Variants in INPP4B observed in about 807,000 individuals in gnomAD.
INPP4B encodes the protein inositol polyphosphate 4-phosphatase type II.
In INPP4B, 55 loss-of-function variants were observed where a neutral mutation model predicts 122.5. The ratio of observed to expected loss-of-function variants is 0.45; its 90% CI spans 0.36 to 0.56. INPP4B has a LOEUF of 0.56. Among genes scored for constraint, INPP4B ranks in the 20% least tolerant of loss-of-function variants. The probability of loss-of-function intolerance (pLI) is 0.00; values close to 1 mark genes in which losing one functional copy is unlikely to be tolerated. For synonymous variants in INPP4B, 403 were observed against 388.7 expected, an observed-to-expected ratio of 1.04 and a Z score of -0.43; for missense variants, 1,000 against 1,097.7, an observed-to-expected ratio of 0.91 and a Z score of 1.26.
chr4:142,245,804 ATGTG>A (rs1727796480), intron 11 of INPP4B, among the ~76,000 whole-genome samples: 1 of 133,496 alleles, frequency 7.5e-6, no homozygotes, highest in Non-Finnish European at 1.6e-5. Context: ...ATACATATAT[ATGTG>A]TATGTATACA....
At chr4:142,425,304 T>C (rs961317829) in intron 5 of INPP4B, 1 of 151,998 alleles carries the variant, frequency 6.6e-6, no homozygotes, top group Non-Finnish European at 1.5e-5. Context: ...ACAAGAAGTA[T>C]GAGAATGAGA....
intron 7 of INPP4B, among the ~76,000 whole-genome samples, chr4:142,345,982 C>T (rs897171242): frequency 2.6e-5 from 4 of 151,958 alleles, no homozygotes; most frequent in Non-Finnish European, 5.9e-5. Flanking sequence ...CAGCTGTCCA[C>T]CTCAGTTTGC....
At chr4:142,260,651 A>G in intron 10 of INPP4B, 87 bp from the exon 11 acceptor site, 1 of 855,698 alleles carries the variant, frequency 1.2e-6, no homozygotes, top group Non-Finnish European at 1.9e-6. Flanking sequence ...ACATAAGGCT[A>G]TGTACATGGT....
rs150928649 is a variant in INPP4B, at chr4:142,109,372, G to A, written c.2277-1182C>T. Among the ~76,000 whole-genome samples the A allele has an allele frequency of 3.2e-3, 491 of 152,184 alleles. 3 individuals are homozygous for A. Among genetic ancestry groups the A allele is most frequent in the African/African-American group, 0.011 (460 of 41,520 alleles). ...CCATACATTGCACCATGCAATAAAT[G>A]AAATGTTGGAAAAATTAATCTAACC... On this transcript the variant is annotated intron_variant, in intron 22 of 25. Transcript: ENST00000262992.
intron 7 of INPP4B, among the ~76,000 whole-genome samples, chr4:142,352,379 G>A (rs528901327): frequency 5.9e-5 from 9 of 151,870 alleles, no homozygotes; most frequent in African/African-American, 2.2e-4. Flanking sequence ...TTTGCTTCCA[G>A]GTCCTCAAGA....
At chr4:142,400,264 A>C (rs922693989) in intron 7 of INPP4B, among the ~76,000 whole-genome samples, 2 of 152,228 alleles carry the variant, frequency 1.3e-5, no homozygotes, top group Non-Finnish European at 2.9e-5. Flanking sequence ...GTATTCAACC[A>C]ATATAGAAGA....
intron 2 of INPP4B, among the ~76,000 whole-genome samples, chr4:142,645,100 AAAT>A (rs1751452593): frequency 1.3e-5 from 2 of 152,142 alleles, no homozygotes; most frequent in South Asian, 4.1e-4. Flanking sequence ...CAGAGGTATT[AAAT>A]AATAAGACTC....
At chr4:142,369,639 A>T (rs920041902) in intron 7 of INPP4B, among the ~76,000 whole-genome samples, 4 of 150,890 alleles carry the variant, frequency 2.7e-5, no homozygotes, top group Admixed American at 6.6e-5. Flanking sequence ...TAAAAAAAAT[A>T]AAAAAGGCTG....
intron 2 of INPP4B, among the ~76,000 whole-genome samples, chr4:142,467,737 G>T (rs1204591364): frequency 1.3e-5 from 2 of 152,012 alleles, no homozygotes; most frequent in Admixed American, 1.3e-4. Context: ...AAAATGATAT[G>T]GTTTGGATGT....
intron 11 of INPP4B, among the ~76,000 whole-genome samples, chr4:142,251,024 C>A (rs531015894): frequency 6.6e-6 from 1 of 152,244 alleles, no homozygotes; most frequent in African/African-American, 2.4e-5. Context: ...ATTAGTATGG[C>A]TTCCAACACT....
At chr4:142,747,664 A>G (rs1186676050) in intron 1 of INPP4B, among the ~76,000 whole-genome samples, 1 of 152,222 alleles carries the variant, frequency 6.6e-6, no homozygotes, top group Admixed American at 6.6e-5. Context: ...AATGTGGCAC[A>G]TATACAGCAT....
At chr4:142,538,759 G>A (rs1828584838) in intron 2 of INPP4B, among the ~76,000 whole-genome samples, 1 of 152,016 alleles carries the variant, frequency 6.6e-6, no homozygotes, top group Non-Finnish European at 1.5e-5. Context: ...GGATGCGAAG[G>A]TTAAGGAAAG....
At chr4:142,299,433 G>A (rs1760375411) in intron 9 of INPP4B, among the ~76,000 whole-genome samples, 1 of 151,820 alleles carries the variant, frequency 6.6e-6, no homozygotes, top group Admixed American at 6.6e-5. Context: ...GGAGTTACAG[G>A]TGTGAGCCAT....
At chr4:142,063,790 G>A (rs923232098) in intron 25 of INPP4B, among the ~76,000 whole-genome samples, 13 of 151,960 alleles carry the variant, frequency 8.6e-5, no homozygotes, top group Non-Finnish European at 1.5e-4. Flanking sequence ...CAGGGGATGT[G>A]GGCAAAGATA....
chr4:142,294,838 A>AAAAAAAAAAAAAAAAAAAAG, intron 9 of INPP4B, among the ~76,000 whole-genome samples: 1 of 143,270 alleles, frequency 7.0e-6, no homozygotes, highest in Non-Finnish European at 1.5e-5. Flanking sequence ...TCAAAAAAAA[A>AAAAAAAAAAAAAAAAAAAAG]AAAAAAAAAA....
intron 18 of INPP4B, 50 bp from the exon 19 acceptor site, chr4:142,124,810 G>A (rs1191524615): frequency 6.7e-6 from 9 of 1,337,630 alleles, no homozygotes; most frequent in African/African-American, 4.5e-5. Flanking sequence ...GAAGGTCTTG[G>A]AATATAATGC....
At chr4:142,527,900 G>T (rs923823782) in intron 2 of INPP4B, among the ~76,000 whole-genome samples, 3 of 151,258 alleles carry the variant, frequency 2.0e-5, no homozygotes. Flanking sequence ...TTGTTGATAT[G>T]CATTTGCACT....
intron 5 of INPP4B, among the ~76,000 whole-genome samples, chr4:142,421,185 ATCCATTTCTATTTGTTGTCT>A: frequency 6.6e-6 from 1 of 152,172 alleles, no homozygotes; most frequent in South Asian, 2.1e-4. Context: ...TGGAATGCAA[ATCCATTTCTATTTGTTGTCT>A]TTATTTTTGT....
intron 2 of INPP4B, among the ~76,000 whole-genome samples, chr4:142,648,526 C>G (rs945943570): frequency 1.3e-5 from 2 of 152,246 alleles, no homozygotes; most frequent in African/African-American, 4.8e-5. Flanking sequence ...TCTCCTATGC[C>G]TGGCTCAGTG....
Sources: gnomAD v4.1 joint callset for allele counts (sites outside exome capture counted in the v4.1 genomes callset) on GRCh38, gnomAD v4.1.1 for gene constraint, MANE v1.5 for transcripts, NCBI Gene and HGNC (gene_info 2026-07-23, HGNC 2026-07-21) for gene names.